CLSTN2: variants seen among roughly 807,000 people sequenced by gnomAD.
CLSTN2 encodes the protein calsyntenin-2.
A neutral mutation model predicts 101.2 loss-of-function variants in CLSTN2; 48 were observed. That is an observed-to-expected ratio of 0.47 (90% CI 0.38 to 0.60). The LOEUF (loss-of-function observed/expected upper bound fraction) is 0.60, where lower values mean the gene tolerates loss of function less well. Ranked by LOEUF, CLSTN2 falls within the 20% of genes least tolerant of loss-of-function variation. The pLI is 0.00. For synonymous variants in CLSTN2, 481 were observed against 463.6 expected (o/e 1.04, Z -0.48); for missense variants, 1,160 against 1,238.2 (o/e 0.94, Z 0.95).
At chr3:140,304,990 C>G (rs1238434526) in intron 2 of CLSTN2, among the ~76,000 whole-genome samples, 2 of 151,984 alleles carry the variant, frequency 1.3e-5, no homozygotes, top group Non-Finnish European at 2.9e-5. Context: ...GTTTGCTTCT[C>G]CCTGGAGGAC....
chr3:140,406,193 C>A (rs1394884280), intron 4 of CLSTN2, among the ~76,000 whole-genome samples: 6 of 152,014 alleles, frequency 3.9e-5, no homozygotes, highest in African/African-American at 4.8e-5. Flanking sequence ...AGAAACCCAA[C>A]ACTTCATGAT....
intron 1 of CLSTN2, among the ~76,000 whole-genome samples, chr3:139,997,324 C>G (rs2006689457): frequency 8.1e-6 from 1 of 123,056 alleles, no homozygotes; most frequent in South Asian, 3.2e-4. Flanking sequence ...TAATTTTCTG[C>G]TCATTCTGCT....
chr3:140,183,888 G>A (rs1445609822), intron 2 of CLSTN2, among the ~76,000 whole-genome samples: 3 of 152,234 alleles, frequency 2.0e-5, no homozygotes, highest in Non-Finnish European at 4.4e-5. Context: ...CAAGAACACA[G>A]TAGTAATGGT....
intron 2 of CLSTN2, among the ~76,000 whole-genome samples, chr3:140,219,348 C>T (rs1459418227): frequency 2.0e-5 from 3 of 152,010 alleles, no homozygotes; most frequent in Admixed American, 2.0e-4. Context: ...CCTCTGGGCT[C>T]ACACATTAGT....
chr3:140,065,033 C>T (rs2008275132), intron 1 of CLSTN2, among the ~76,000 whole-genome samples: 1 of 152,136 alleles, frequency 6.6e-6, no homozygotes, highest in Admixed American at 6.5e-5. Flanking sequence ...AGATTTGGCT[C>T]AAAAAGTTAA....
chr3:140,160,232 G>C (rs528730712), intron 1 of CLSTN2, among the ~76,000 whole-genome samples: 1 of 152,164 alleles, frequency 6.6e-6, no homozygotes, highest in South Asian at 2.1e-4. Flanking sequence ...TGTATATTTA[G>C]AGTTTCTGTA....
chr3:140,464,481 G>A (rs775120120), intron 7 of CLSTN2, among the ~76,000 whole-genome samples: 27 of 152,210 alleles, frequency 1.8e-4, no homozygotes, highest in Non-Finnish European at 3.2e-4. Context: ...GAATAAAATG[G>A]ATTCCTGAGC....
intron 1 of CLSTN2, among the ~76,000 whole-genome samples, chr3:140,047,164 A>G (rs1464235821): frequency 6.6e-6 from 1 of 152,192 alleles, no homozygotes; most frequent in Non-Finnish European, 1.5e-5. Context: ...TGCCCTACAA[A>G]GGGGCCACAC....
intron 2 of CLSTN2, among the ~76,000 whole-genome samples, chr3:140,376,724 G>A (rs907958222): frequency 2.6e-5 from 4 of 152,196 alleles, no homozygotes; most frequent in African/African-American, 7.2e-5. Flanking sequence ...GCCAACAGGA[G>A]AGCAGTATCT....
chr3:139,986,906 C>T (rs1467667230), intron 1 of CLSTN2, among the ~76,000 whole-genome samples: 9 of 152,068 alleles, frequency 5.9e-5, no homozygotes, highest in African/African-American at 1.9e-4. Flanking sequence ...TGAGAAACAG[C>T]GTTGGTATGA....
At chr3:140,351,851 T>C (rs188848637) in intron 2 of CLSTN2, among the ~76,000 whole-genome samples, 4 of 152,200 alleles carry the variant, frequency 2.6e-5, no homozygotes, top group Non-Finnish European at 5.9e-5. Context: ...AAGGCATTGA[T>C]GCATAAACTC....
At chr3:140,432,599 A>C (rs2088644085) in intron 5 of CLSTN2, among the ~76,000 whole-genome samples, 1 of 152,178 alleles carries the variant, frequency 6.6e-6, no homozygotes, top group African/African-American at 2.4e-5. Flanking sequence ...CATCACTGAC[A>C]TAGCTGATCA....
chr3:140,351,300 T>C (rs534611459), intron 2 of CLSTN2, among the ~76,000 whole-genome samples: 1 of 152,322 alleles, frequency 6.6e-6, no homozygotes, highest in South Asian at 2.1e-4. Context: ...TGAGATTTTA[T>C]AGTCTGTGAA....
Position 140,124,060 on chromosome 3 carries a change from T to C in CLSTN2, c.110-51891T>C, listed in dbSNP as rs561203621. ...AGAGAGACAATTTTAAAAACATAAT[T>C]ATAAAAGAGGTGGTGATAAGTGCTA... On this transcript the variant is annotated intron_variant, in intron 1 of 16. Coordinates refer to ENST00000458420, the MANE Select transcript of CLSTN2 (RefSeq NM_022131.3). 4.9e-4 allele frequency among the ~76,000 whole-genome samples: 75 copies of C among 151,946 alleles called. No homozygotes were observed. In the South Asian group the frequency reaches 0.015, roughly 31 times the overall value.
chr3:140,242,975 C>T (rs1576481378), intron 2 of CLSTN2, among the ~76,000 whole-genome samples: 1 of 152,348 alleles, frequency 6.6e-6, no homozygotes, highest in Non-Finnish European at 1.5e-5. Context: ...ACACCTGCTG[C>T]TGTTCCTTGT....
chr3:140,283,436 G>A (rs1337676851), intron 2 of CLSTN2, among the ~76,000 whole-genome samples: 16 of 152,140 alleles, frequency 1.1e-4, no homozygotes, highest in Non-Finnish European at 2.9e-5. Flanking sequence ...GGTGATTCAT[G>A]CTTCCCTTTT....
At chr3:140,269,000 G>T (rs2086718708) in intron 2 of CLSTN2, among the ~76,000 whole-genome samples, 1 of 152,156 alleles carries the variant, frequency 6.6e-6, no homozygotes, top group Non-Finnish European at 1.5e-5. Context: ...TTTATTAATT[G>T]ATCAGGGACG....
In CLSTN2 at chr3:140,389,838, G is replaced by A. The variant is rs1438643412; in HGVS notation, c.233-13791G>A. On this transcript the variant is annotated intron_variant, in intron 2 of 16. Coordinates refer to ENST00000458420, the MANE Select transcript of CLSTN2 (RefSeq NM_022131.3). ...TATCTATTTTGACTTGCATGAGATG[G>A]TATCACATTGTGGTTTTGATTTGCA... Among the ~76,000 whole-genome samples, 4 of 152,106 alleles carry A rather than the reference G, an allele frequency of 2.6e-5. No homozygotes were observed. The South Asian group carries it at 8.3e-4, about 32-fold the overall frequency.
chr3:140,126,591 G>A (rs935021262), intron 1 of CLSTN2, among the ~76,000 whole-genome samples: 1 of 152,132 alleles, frequency 6.6e-6, no homozygotes, highest in Non-Finnish European at 1.5e-5. Flanking sequence ...CTAGCATATG[G>A]GTTTGGAGAT....
Sources: gnomAD v4.1 joint callset for allele counts (sites outside exome capture counted in the v4.1 genomes callset) on GRCh38, gnomAD v4.1.1 for gene constraint, MANE v1.5 for transcripts, NCBI Gene and HGNC (gene_info 2026-07-23, HGNC 2026-07-21) for gene names.